The following MYO7B variants were observed in gnomAD, a reference collection of about 807,000 sequenced individuals.
The protein encoded by MYO7B is myosin VIIB, also known as unconventional myosin-VIIb.
A neutral mutation model predicts 259.7 loss-of-function variants in MYO7B; 212 were observed. The observed-to-expected ratio is 0.82, with a 90% CI of 0.73 to 0.91. MYO7B has a LOEUF of 0.91. Among genes scored for constraint, MYO7B ranks in the 40% least tolerant of loss-of-function variants. The pLI, the probability that MYO7B is intolerant of heterozygous loss-of-function variation, is 0.00. For missense variants in MYO7B, 2,732 were observed against 2,813.5 expected (o/e 0.97, Z 0.66); for synonymous variants, 1,197 against 1,166.4 (o/e 1.03, Z -0.54).
rs1319927174 is a variant in MYO7B at position 127,597,499 on chromosome 2, T to C, written c.2339+943T>C. Among the ~76,000 whole-genome samples the C allele has an allele frequency of 6.6e-6, 1 of 152,166 alleles. No homozygotes were observed. The highest frequency in any genetic ancestry group is 1.5e-5 in the Non-Finnish European group (1 of 68,032). On this transcript the variant is annotated intron_variant, in intron 19 of 47. Coordinates refer to ENST00000409816, the MANE Select transcript of MYO7B (RefSeq NM_001393586.1). This position sits in a 1 kb window ranked among gnomAD's most constrained non-coding sequence, Gnocchi z 4.8. The stretch of plus-strand genomic sequence containing the variant: ...TAACCTGTTCTACATTTCTAGAATG[T>C]TGCCATTGCACAAATGTTATATACG...
Position 127,607,675 on chromosome 2 carries a change from C to T in MYO7B, c.2643+251C>T, listed in dbSNP as rs1340643675. ...CTATCACGAGAGACACACCGTCCTC[C>T]TCTCCCTATTCAAAGTCAGTTCTAC... On this transcript the variant is annotated intron_variant, in intron 21 of 47. Transcript: ENST00000409816. The surrounding 1 kb of genome is among the most constrained non-coding windows in gnomAD (Gnocchi z 4.4). Among the ~76,000 whole-genome samples the T allele has an allele frequency of 6.6e-6, 1 of 152,208 alleles. No individual in the cohort carries two copies. Among genetic ancestry groups the T allele is most frequent in the Non-Finnish European group, 1.5e-5 (1 of 68,034 alleles).
chr2:127,635,139 C>T lies in MYO7B; in HGVS notation c.5733C>T (p.Pro1911=), dbSNP rs573594733. Residue 1911 remains proline, a synonymous_variant, in exon 43 of 48, where the codon CCC becomes CCT. Coordinates refer to ENST00000409816, the MANE Select transcript of MYO7B (RefSeq NM_001393586.1). ...PQKEGAPVTL[P]YQVYFMRKLW... ...GCCCAGGGGCCCCCGTGACGCTCCC[C>T]TACCAGGTGTACTTCATGCGGAAAT... 10 of 1,613,216 alleles carry T rather than the reference C, an allele frequency of 6.2e-6. No individual in the cohort carries two copies. The highest frequency in any genetic ancestry group is 2.2e-5 in the East Asian group (1 of 44,858).
At position 127,624,767 on chromosome 2, in the gene MYO7B, C is replaced by G. The variant is rs370442821; in HGVS notation, c.4047+447C>G. On this transcript the variant is annotated intron_variant, in intron 30 of 47. Coordinates refer to ENST00000409816, the MANE Select transcript of MYO7B (RefSeq NM_001393586.1). Reference sequence around the variant, plus strand: ...CTCACCTGGACCGTGCGGAGTGTACCGGGAGCTCTTTTGTAGGGGATTGTG... The same window carrying G: ...CTCACCTGGACCGTGCGGAGTGTACGGGGAGCTCTTTTGTAGGGGATTGTG... Among the ~76,000 whole-genome samples the G allele has an allele frequency of 1.2e-4, 18 of 152,290 alleles. No individual in the cohort carries two copies. The South Asian group carries it at 2.3e-3, about 19-fold the overall frequency.
At chr2:127,637,149 G>C in intron 47 of MYO7B, 167 bp from the exon 48 acceptor site, 1 of 903,792 alleles carries the variant, frequency 1.1e-6, no homozygotes, top group Non-Finnish European at 1.8e-6. Context: ...GGGAGACCCA[G>C]CTCCAGCAGG....
chr2:127,636,787 C>T lies in MYO7B; in HGVS notation c.6208-7C>T, dbSNP rs138273250. 581 of 1,582,756 alleles carry T rather than the reference C, an allele frequency of 3.7e-4. 3 individuals are homozygous for T. The highest frequency in any genetic ancestry group is 6.9e-4 in the Middle Eastern group (4 of 5,818). ...GCGTCCGGCCCACCCACCCTCTCTG[C>T]CCCCAGGACCTGCTCACCACCTATC... On this transcript the variant is annotated splice_region_variant and splice_polypyrimidine_tract_variant and intron_variant, in intron 46 of 47. Transcript: ENST00000409816. This position sits in a 1 kb window ranked among gnomAD's most constrained non-coding sequence, Gnocchi z 4.5.
At chr2:127,594,460 G>A (rs1202352349) in intron 18 of MYO7B, among the ~76,000 whole-genome samples, 2 of 152,180 alleles carry the variant, frequency 1.3e-5, no homozygotes, top group East Asian at 1.9e-4. Flanking sequence ...CCCAGCCCTC[G>A]AGTCGGTCTG....
chr2:127,636,602 G>T lies in MYO7B; in HGVS notation c.6181G>T (p.Val2061Phe), dbSNP rs777269226. 3 of 1,612,708 alleles carry T rather than the reference G, an allele frequency of 1.9e-6. No homozygotes were observed. In the African/African-American group the frequency reaches 4.0e-5, roughly 22 times the overall value. ...CCTCATCGCCATCAACCGACATGGG[G>T]TTCTGCTCATCCACCCCAAGACCAA... ...VILIAINRHG[V>F]LLIHPKTKDL... is the part of the protein sequence containing the mutation. Residue 2061 changes from valine to phenylalanine, a missense_variant, in exon 46 of 48, where the codon GTT becomes TTT. Val to Phe is a conservative substitution (Grantham distance 50, BLOSUM62 -1). Coordinates refer to ENST00000409816, the MANE Select transcript of MYO7B (RefSeq NM_001393586.1). The surrounding 1 kb of genome is among the most constrained non-coding windows in gnomAD (Gnocchi z 4.5).
rs1203017122 is a variant in MYO7B at position 127,582,588 on chromosome 2, G to A, written c.1343+142G>A. ...CCACCAGATCCGTGTGCTCTGCATG[G>A]GGTGGCTGCTGTCCCCTGCCATCTA... On this transcript the variant is annotated intron_variant, in intron 12 of 47. Transcript: ENST00000409816. 1.8e-5 allele frequency: 18 copies of A among 1,019,942 alleles called. 1 individual carries two copies. The highest frequency in any genetic ancestry group is 6.5e-5 in the African/African-American group (4 of 61,740). 63.2% of individuals were successfully genotyped at this position (1,019,942 alleles called of 1,614,324 possible). A position where few individuals can be genotyped will look rare whatever the true frequency, so the allele number is the denominator to read the frequency against.
At chr2:127,542,181 C>T (rs950364879) in intron 1 of MYO7B, among the ~76,000 whole-genome samples, 3 of 152,224 alleles carry the variant, frequency 2.0e-5, no homozygotes, top group African/African-American at 7.2e-5. Flanking sequence ...TGGACATTAC[C>T]CTGAATGCTG....
chr2:127,624,936 G>T (rs1461553612), intron 30 of MYO7B, among the ~76,000 whole-genome samples: 1 of 152,206 alleles, frequency 6.6e-6, no homozygotes, highest in Non-Finnish European at 1.5e-5. Flanking sequence ...GCATGGGCAG[G>T]GGGTGGCAGG....
intron 2 of MYO7B, among the ~76,000 whole-genome samples, chr2:127,561,256 T>C (rs1233110776): frequency 2.6e-5 from 4 of 152,018 alleles, no homozygotes; most frequent in African/African-American, 9.7e-5. Context: ...TTGTAAGTCT[T>C]TGAGAGGAGA....
chr2:127,605,373 A>G (rs1477335331), intron 19 of MYO7B, among the ~76,000 whole-genome samples: 1 of 152,230 alleles, frequency 6.6e-6, no homozygotes, highest in Non-Finnish European at 1.5e-5. Context: ...AGGTAGGTGG[A>G]TCACTTAAGG....
rs372404475 is a variant in MYO7B, at chr2:127,546,252, G to A, written c.-24+10421G>A. On this transcript the variant is annotated intron_variant, in intron 1 of 47. Coordinates refer to ENST00000409816, the MANE Select transcript of MYO7B (RefSeq NM_001393586.1). The surrounding 1 kb of genome is among the most constrained non-coding windows in gnomAD (Gnocchi z 4.2). Reference sequence around the variant, plus strand: ...TGTTAGCTTTGCTTCTTGGACCCCTGGTTCCTGATCTGTGAAGTGGGATGT... The same window carrying A: ...TGTTAGCTTTGCTTCTTGGACCCCTAGTTCCTGATCTGTGAAGTGGGATGT... Among the ~76,000 whole-genome samples, 2 of 152,218 alleles carry A rather than the reference G, an allele frequency of 1.3e-5. No individual in the cohort carries two copies. The highest frequency in any genetic ancestry group is 1.9e-4 in the East Asian group (1 of 5,202).
At chr2:127,634,749 T>TA in intron 42 of MYO7B, 66 bp downstream of exon 42, 1 of 1,378,162 alleles carries the variant, frequency 7.3e-7, no homozygotes, top group Non-Finnish European at 1.0e-6. Flanking sequence ...ACTGGCGGCC[T>TA]CTGTGCGGCC....
chr2:127,547,761 GGAGAGTGCCTC>G (rs1041250266), intron 1 of MYO7B, among the ~76,000 whole-genome samples: 7 of 152,166 alleles, frequency 4.6e-5, no homozygotes, highest in Admixed American at 2.6e-4. Flanking sequence ...GTGGCAGGAA[GGAGAGTGCCTC>G]AAGTTTTTTC....
At chr2:127,617,514 G>A (rs1380149537) in intron 26 of MYO7B, among the ~76,000 whole-genome samples, 2 of 4,854 alleles carry the variant, frequency 4.1e-4, no homozygotes, top group African/African-American at 3.7e-3. Context: ...TTTTTTTTTT[G>A]AGACGGAGTC....
chr2:127,565,132 G>A (rs1294217521), intron 3 of MYO7B, 101 bp from the exon 4 acceptor site: 28 of 1,446,744 alleles, frequency 1.9e-5, no homozygotes, highest in South Asian at 1.2e-4. Flanking sequence ...TCCATGACCC[G>A]GAAGGTCACC....
rs200899932 is a variant in MYO7B at position 127,608,749 on chromosome 2, C to T, written c.2685C>T (p.Gly895=). The part of the protein sequence containing the change: ...VIPAEGQKSQ[G]ALPAKKRRSI... ...CGGCCGAGGGGCAGAAAAGCCAAGG[C>T]GCTCTCCCTGCCAAGAAGCGCAGAT... Residue 895 remains glycine (G), a synonymous_variant, in exon 22 of 48, where the codon GGC becomes GGT. Transcript: ENST00000409816. 34 of 1,613,292 alleles carry T rather than the reference C, an allele frequency of 2.1e-5. No individual in the cohort carries two copies. The African/African-American group carries it at 2.7e-4, about 13-fold the overall frequency.
chr2:127,634,421 A>AC (rs1681683999), intron 41 of MYO7B, 132 bp downstream of exon 41: 1 of 905,010 alleles, frequency 1.1e-6, no homozygotes, highest in African/African-American at 1.7e-5. Context: ...GGCTGCTGGG[A>AC]CAGAGGTAGG....
Sources: allele counts gnomAD v4.1 joint callset (sites outside exome capture counted in the v4.1 genomes callset), GRCh38; gene constraint gnomAD v4.1.1; non-coding constraint Gnocchi (gnomAD v3.1); transcripts MANE v1.5; gene names NCBI Gene and HGNC (gene_info 2026-07-23, HGNC 2026-07-21).